Variants in CHD7 observed in about 807,000 individuals in gnomAD.
CHD7 encodes ATP-dependent chromatin remodeler CHD7.
In CHD7, 24 loss-of-function variants were observed where a neutral mutation model predicts 307.3. That is an observed-to-expected ratio of 0.08 (90% CI 0.06 to 0.11). CHD7 has a LOEUF of 0.11. Among genes scored for constraint, CHD7 ranks in the 10% least tolerant of loss-of-function variants. The pLI, the probability that CHD7 is intolerant of heterozygous loss-of-function variation, is 1.00. For synonymous variants in CHD7, 1,363 were observed against 1,349.9 expected, an observed-to-expected ratio of 1.01 and a Z score of -0.21; for missense variants, 3,106 against 3,727.1, an observed-to-expected ratio of 0.83 and a Z score of 4.34.
At chr8:60,704,057 C>G (rs1400339687) in intron 1 of CHD7, among the ~76,000 whole-genome samples, 1 of 152,080 alleles carries the variant, frequency 6.6e-6, no homozygotes, top group Admixed American at 6.5e-5. Context: ...CCTGATGCTT[C>G]CCCTGCCCCT....
chr8:60,692,356 T>C (rs1371424949), intron 1 of CHD7, among the ~76,000 whole-genome samples: 3 of 152,228 alleles, frequency 2.0e-5, no homozygotes, highest in Non-Finnish European at 4.4e-5. Flanking sequence ...TGTTAAATTT[T>C]ATTTTCATTT....
chr8:60,808,611 C>T (rs1812646418), intron 7 of CHD7: 4 of 288,532 alleles, frequency 1.4e-5, no homozygotes, highest in East Asian at 1.1e-4. Context: ...CACTTCGTCC[C>T]TTCACCTGTG....
intron 1 of CHD7, among the ~76,000 whole-genome samples, chr8:60,700,055 C>G (rs569613711): frequency 1.2e-3 from 175 of 152,160 alleles, no homozygotes; most frequent in African/African-American, 4.0e-3. Flanking sequence ...CTAGGCTGCT[C>G]TCGAACTCCC....
chr8:60,796,720 G>T (rs1261275757), intron 4 of CHD7, among the ~76,000 whole-genome samples: 2 of 151,750 alleles, frequency 1.3e-5, no homozygotes, highest in Non-Finnish European at 2.9e-5. Flanking sequence ...TAACTGTTAC[G>T]TGTTCAATAG....
intron 1 of CHD7, among the ~76,000 whole-genome samples, chr8:60,723,104 TA>T (rs1445093506): frequency 6.6e-6 from 1 of 152,176 alleles, no homozygotes; most frequent in Non-Finnish European, 1.5e-5. Context: ...TGGCATATTT[TA>T]TTTTTTTTAA....
chr8:60,809,374 G>A (rs1356551839), intron 7 of CHD7: 2 of 152,176 alleles, frequency 1.3e-5, no homozygotes, highest in Non-Finnish European at 2.9e-5. Flanking sequence ...CCTACAACAC[G>A]ATTTCCTATG....
At chr8:60,808,534 A>G (rs1435757555) in intron 7 of CHD7, among the ~76,000 whole-genome samples, 1 of 152,222 alleles carries the variant, frequency 6.6e-6, no homozygotes, top group Non-Finnish European at 1.5e-5. Flanking sequence ...AACTTCTACA[A>G]TAATAGAAAA....
At chr8:60,803,475 C>T (rs1812403816) in intron 6 of CHD7, among the ~76,000 whole-genome samples, 1 of 152,032 alleles carries the variant, frequency 6.6e-6, no homozygotes. Flanking sequence ...TACTGTTAAC[C>T]ATTTACCGAT....
intron 3 of CHD7, among the ~76,000 whole-genome samples, chr8:60,793,232 G>C (rs1811857546): frequency 6.6e-6 from 1 of 152,078 alleles, no homozygotes; most frequent in Non-Finnish European, 1.5e-5. Flanking sequence ...GTTGGATGAG[G>C]AACGGTTGTA....
rs578009634 is a variant in CHD7 at position 60,832,163 on chromosome 8, A to G, written c.3778+1586A>G. Among the ~76,000 whole-genome samples the G allele has an allele frequency of 7.9e-5, 12 of 152,220 alleles. No homozygotes were observed. The South Asian group carries it at 2.5e-3, about 32-fold the overall frequency. On this transcript the variant is annotated intron_variant, in intron 15 of 37. Coordinates refer to ENST00000423902, the MANE Select transcript of CHD7 (RefSeq NM_017780.4). Reference sequence around the variant, plus strand: ...CAGCCTCCTGAGTAGCTGGGACTACAGGCATGCGCCACAACGCCCAGCTAA... The same window carrying G: ...CAGCCTCCTGAGTAGCTGGGACTACGGGCATGCGCCACAACGCCCAGCTAA...
rs761297110 is a variant in CHD7, at chr8:60,853,222, G to A, written c.6497G>A (p.Arg2166Lys). ...TCATCTGCTCATATTCAAGATGAGA[G>A]GGTACTGGAACAAGCCGAAGGCAAA... is the stretch of plus-strand genomic sequence containing the variant. ...VISSAHIQDE[R>K]VLEQAEGKVE... is the part of the protein sequence containing the mutation. The change falls in exon 31 of 38, where the codon AGG becomes AAG. Residue 2166 changes from arginine to lysine, a missense_variant. This residue lies in a region of CHD7 where 1,030 missense variants were observed against 1,165.4 expected (regional missense o/e 0.88). Coordinates refer to ENST00000423902, the MANE Select transcript of CHD7 (RefSeq NM_017780.4). 1 of 1,613,924 alleles carries A rather than the reference G, an allele frequency of 6.2e-7. No individual in the cohort carries two copies. Among genetic ancestry groups the A allele is most frequent in the South Asian group, 1.1e-5 (1 of 91,074 alleles).
At chr8:60,700,571 C>T (rs186979366) in intron 1 of CHD7, among the ~76,000 whole-genome samples, 46 of 152,324 alleles carry the variant, frequency 3.0e-4, no homozygotes, top group African/African-American at 1.0e-3. Flanking sequence ...GCAACTATTA[C>T]GTTGCTCATT....
At chr8:60,812,523 G>A (rs983728737) in intron 7 of CHD7, among the ~76,000 whole-genome samples, 33 of 152,006 alleles carry the variant, frequency 2.2e-4, no homozygotes, top group Non-Finnish European at 2.4e-4. Flanking sequence ...AATTAGCTGA[G>A]CATGGTGGCG....
At chr8:60,681,482 G>T (rs1018283623) in intron 1 of CHD7, among the ~76,000 whole-genome samples, 10 of 152,164 alleles carry the variant, frequency 6.6e-5, no homozygotes, top group African/African-American at 2.4e-4. Flanking sequence ...CTTTCTAGGT[G>T]ATAAGTAGGA....
chr8:60,761,190 T>C (rs1319966774), intron 2 of CHD7, among the ~76,000 whole-genome samples: 5 of 151,500 alleles, frequency 3.3e-5, no homozygotes, highest in Admixed American at 2.0e-4. Context: ...ATGTCCTTTG[T>C]AGGGACATGG....
intron 15 of CHD7, 132 bp from the exon 16 acceptor site, chr8:60,835,941 G>A (rs751873268): frequency 3.0e-6 from 2 of 666,324 alleles, no homozygotes; most frequent in Admixed American, 2.6e-5. Context: ...GTAAGTGGAT[G>A]GATTCTTGTT....
intron 2 of CHD7, among the ~76,000 whole-genome samples, chr8:60,759,500 CCT>C (rs1014703594): frequency 2.0e-5 from 3 of 148,890 alleles, no homozygotes; most frequent in Admixed American, 2.0e-4. Flanking sequence ...TCTCCCTCTC[CCT>C]CTCCCTCCCT....
At chr8:60,845,487 C>T (rs760090263) in intron 23 of CHD7, 78 bp downstream of exon 23, 428 of 1,469,324 alleles carry the variant, frequency 2.9e-4, no homozygotes, top group Non-Finnish European at 3.6e-4. Flanking sequence ...CGGCCCTTCA[C>T]GTCTGCAGAT....
chr8:60,701,355 G>A (rs777598460), intron 1 of CHD7, among the ~76,000 whole-genome samples: 25 of 152,138 alleles, frequency 1.6e-4, no homozygotes, highest in South Asian at 6.2e-4. Flanking sequence ...CTTTATTTGC[G>A]GACTGTCCCT....
Sources: gnomAD v4.1 joint callset for allele counts (sites outside exome capture counted in the v4.1 genomes callset) on GRCh38, gnomAD v4.1.1 for gene constraint, gnomAD v4.1.1 regional missense constraint, MANE v1.5 for transcripts, NCBI Gene and HGNC (gene_info 2026-07-23, HGNC 2026-07-21) for gene names.